The following RGS12 variants were observed in gnomAD, a reference collection of about 807,000 sequenced individuals.
RGS12 encodes regulator of G-protein signaling 12.
A neutral mutation model predicts 120.1 loss-of-function variants in RGS12; 66 were observed. The ratio of observed to expected loss-of-function variants is 0.55; its 90% CI spans 0.45 to 0.67. The LOEUF is 0.67. Among genes scored for constraint, RGS12 ranks in the 30% least tolerant of loss-of-function variants. The pLI, the probability that RGS12 is intolerant of heterozygous loss-of-function variation, is 0.00. For missense variants in RGS12, 1,859 were observed against 1,957.7 expected, an observed-to-expected ratio of 0.95 and a Z score of 0.95; for synonymous variants, 827 against 804.7, an observed-to-expected ratio of 1.03 and a Z score of -0.47.
rs145505565 is a variant in RGS12 at position 3,317,164 on chromosome 4, G to A, written c.994G>A (p.Ala332Thr). ...GAGCCTGGCCCAGGAGGAGGAGGGC[G>A]CCCTGCGGACTTCCTGCCACGTGTT... ...DGSLAQEEEG[A>T]LRTSCHVFMV... Residue 332 changes from alanine (A) to threonine (T), a missense_variant, in exon 2 of 18, where the codon GCC becomes ACC. By Grantham distance (58) the Ala-to-Thr change is moderately conservative. Coordinates refer to ENST00000336727, the MANE Select transcript of RGS12 (RefSeq NM_001394154.1). 1.7e-5 allele frequency: 27 copies of A among 1,613,966 alleles called. 1 individual carries two copies. The highest frequency in any genetic ancestry group is 1.6e-4 in the Middle Eastern group (1 of 6,084).
intron 1 of RGS12, among the ~76,000 whole-genome samples, chr4:3,308,368 T>C (rs1724088206): frequency 6.6e-6 from 1 of 152,222 alleles, no homozygotes; most frequent in African/African-American, 2.4e-5. Context: ...GGTTTAGATG[T>C]GAAGCGTGTT....
At chr4:3,370,334 G>T in intron 3 of RGS12, 1 of 1,613,174 alleles carries the variant, frequency 6.2e-7, no homozygotes, top group Non-Finnish European at 8.5e-7. Context: ...AAGTAGTTCC[G>T]GCTTTTTCTT....
intron 3 of RGS12, among the ~76,000 whole-genome samples, chr4:3,382,625 C>T (rs1577020522): frequency 6.6e-6 from 1 of 152,194 alleles, no homozygotes; most frequent in South Asian, 2.1e-4. Flanking sequence ...CCTGAGGAGA[C>T]CACCTCAGTT....
At chr4:3,323,561 C>T (rs577181473) in intron 2 of RGS12, among the ~76,000 whole-genome samples, 1 of 152,148 alleles carries the variant, frequency 6.6e-6, no homozygotes, top group African/African-American at 2.4e-5. Context: ...AGTTATATAT[C>T]AATTTTAAAA....
chr4:3,377,800 G>A (rs931677031), intron 3 of RGS12, among the ~76,000 whole-genome samples: 1 of 152,222 alleles, frequency 6.6e-6, no homozygotes, highest in East Asian at 1.9e-4. Flanking sequence ...GAGACCCACC[G>A]AGGAGCAGAG....
chr4:3,439,386 G>T (rs772295986), intron 17 of RGS12, 69 bp from the exon 18 acceptor site: 1 of 1,500,254 alleles, frequency 6.7e-7, no homozygotes, highest in Non-Finnish European at 9.3e-7. Flanking sequence ...GGCCTTCGGG[G>T]TAGGGGGTGG....
At chr4:3,419,367 G>A (rs916134333) in intron 9 of RGS12, 2 of 151,542 alleles carry the variant, frequency 1.3e-5, no homozygotes, top group South Asian at 2.1e-4. Flanking sequence ...GTGATGGTGG[G>A]TACTTTCAGT....
chr4:3,403,391 G>A (rs1020102286), intron 4 of RGS12, among the ~76,000 whole-genome samples: 1 of 152,228 alleles, frequency 6.6e-6, no homozygotes, highest in South Asian at 2.1e-4. Context: ...AGGTCTGGCT[G>A]TGGGGGCCAG....
chr4:3,336,055 G>A (rs911693991), intron 2 of RGS12, among the ~76,000 whole-genome samples: 3 of 152,160 alleles, frequency 2.0e-5, no homozygotes, highest in African/African-American at 7.2e-5. Context: ...TCGCACCACT[G>A]GACTCCAGCC....
chr4:3,426,436 C>T (rs984113130), intron 14 of RGS12, among the ~76,000 whole-genome samples: 1 of 152,002 alleles, frequency 6.6e-6, no homozygotes, highest in Non-Finnish European at 1.5e-5. Context: ...TGATCTGGCG[C>T]CCTTCCCTCC....
At chr4:3,384,206 G>A (rs1290394885) in intron 3 of RGS12, among the ~76,000 whole-genome samples, 1 of 152,198 alleles carries the variant, frequency 6.6e-6, no homozygotes, top group Non-Finnish European at 1.5e-5. Flanking sequence ...CCAGGCTGGA[G>A]TGTAGTGGCA....
At chr4:3,289,788 G>T (rs998391431), upstream of RGS12, among the ~76,000 whole-genome samples, 1 of 152,126 alleles carries the variant, frequency 6.6e-6, no homozygotes, top group Non-Finnish European at 1.5e-5. Flanking sequence ...CTGAAACTTT[G>T]TGCCCTTTGA....
intron 4 of RGS12, among the ~76,000 whole-genome samples, chr4:3,401,504 G>A (rs1720579422): frequency 1.3e-5 from 2 of 152,220 alleles, no homozygotes; most frequent in African/African-American, 4.8e-5. Flanking sequence ...CAGCTTTATA[G>A]GAAAGTTAAG....
In RGS12 at chr4:3,430,592, C is replaced by T. The variant is rs142339779; in HGVS notation, c.3751C>T (p.Arg1251Trp). The T allele has an allele frequency of 9.2e-4, 1,483 of 1,612,212 alleles. 14 individuals are homozygous for T. Among genetic ancestry groups the T allele is most frequent in the Admixed American group, 3.7e-4 (22 of 59,916 alleles). ...FSKRSATGNG[R>W]ESASQPGEQW... ...CAAGAGAAGCGCCACAGGCAACGGC[C>T]GGGAGAGCGCCTCCCAGCCTGGCGA... The change falls in exon 17 of 18, where the codon CGG becomes TGG. Residue 1251 changes from arginine to tryptophan, a missense_variant. By Grantham distance (101) the Arg-to-Trp change is moderately radical. Around this residue, in one of 3 missense-constraint regions of RGS12, gnomAD observed 517 missense variants for 488.5 expected, o/e 1.06. Transcript: ENST00000336727.
In RGS12 at chr4:3,374,418, G is replaced by A. The variant is rs1369373775; in HGVS notation, c.1999-11998G>A. Among the ~76,000 whole-genome samples the A allele has an allele frequency of 1.3e-5, 2 of 152,106 alleles. No individual in the cohort carries two copies. The highest frequency in any genetic ancestry group is 1.5e-5 in the Non-Finnish European group (1 of 68,016). ...CCACGACAGGCTCGATTCGTCCCTC[G>A]CATGCTGCCCTCCCAGCCTGGCCCT... On this transcript the variant is annotated intron_variant, in intron 3 of 17. Transcript: ENST00000336727. The surrounding 1 kb of genome is among the most constrained non-coding windows in gnomAD (Gnocchi z 6.3).
intron 9 of RGS12, chr4:3,418,108 T>C (rs1441327760): frequency 6.6e-6 from 1 of 152,352 alleles, no homozygotes; most frequent in African/African-American, 2.4e-5. Context: ...CTGCCCATTC[T>C]GGATGCTCTG....
intron 1 of RGS12, among the ~76,000 whole-genome samples, chr4:3,301,195 G>A (rs1208004928): frequency 6.6e-6 from 1 of 152,152 alleles, no homozygotes; most frequent in Non-Finnish European, 1.5e-5. Context: ...GGTCTGTCCC[G>A]GCTGCCCTCC....
intron 4 of RGS12, among the ~76,000 whole-genome samples, chr4:3,411,899 G>C (rs1721774980): frequency 6.6e-6 from 1 of 152,258 alleles, no homozygotes; most frequent in Admixed American, 6.5e-5. Flanking sequence ...TCTTCTTGCA[G>C]TGCGTGCCGC....
At chr4:3,419,020 CA>C (rs1275310231) in intron 9 of RGS12, 8,909 of 64,134 alleles carry the variant, frequency 0.14, 666 homozygotes, top group Middle Eastern at 0.3. Flanking sequence ...ACTAAAAATC[CA>C]AAAAAAAAAA....
Sources: allele counts gnomAD v4.1 joint callset (sites outside exome capture counted in the v4.1 genomes callset), GRCh38; gene constraint gnomAD v4.1.1; regional missense constraint gnomAD v4.1.1; non-coding constraint Gnocchi (gnomAD v3.1); transcripts MANE v1.5; gene names NCBI Gene and HGNC (gene_info 2026-07-23, HGNC 2026-07-21).